Variants in NOL10 observed in about 807,000 individuals in gnomAD.
The protein encoded by NOL10 is H_NH0074G24.1.
In NOL10, 58 loss-of-function variants were observed where a neutral mutation model predicts 103.5. The observed-to-expected ratio is 0.56, with a 90% CI of 0.45 to 0.70. The LOEUF is 0.70. Ranked by LOEUF, NOL10 falls within the 30% of genes least tolerant of loss-of-function variation. NOL10 has a pLI of 0.00. For missense variants in NOL10, 763 were observed against 807.3 expected (o/e 0.95, Z 0.67); for synonymous variants, 287 against 282.5 (o/e 1.02, Z -0.16).
intron 12 of NOL10, among the ~76,000 whole-genome samples, chr2:10,649,817 G>A (rs1482762801): frequency 2.6e-5 from 4 of 152,066 alleles, no homozygotes; most frequent in East Asian, 1.9e-4. Flanking sequence ...ATGTATAAAC[G>A]AACAAGGGTG....
chr2:10,577,611 A>C, intron 20 of NOL10, 25 bp downstream of exon 20: 1 of 1,543,716 alleles, frequency 6.5e-7, no homozygotes, highest in Non-Finnish European at 8.9e-7. Flanking sequence ...TGTGAATTAA[A>C]AAATAACAAT....
intron 1 of NOL10, among the ~76,000 whole-genome samples, chr2:10,686,159 T>C (rs1327890023): frequency 6.6e-6 from 1 of 152,116 alleles, no homozygotes; most frequent in African/African-American, 2.4e-5. Flanking sequence ...ACAATTAGAA[T>C]GTCAGATGGT....
At chr2:10,591,576 G>T (rs956964130) in intron 17 of NOL10, among the ~76,000 whole-genome samples, 1 of 151,990 alleles carries the variant, frequency 6.6e-6, no homozygotes, top group Admixed American at 6.6e-5. Context: ...AAGATATAAG[G>T]GGAAACCACT....
Position 10,657,741 on chromosome 2 carries a change from C to A in NOL10, c.906+1G>T. 1 of 1,548,470 alleles carries A rather than the reference C, an allele frequency of 6.5e-7. No individual in the cohort carries two copies. Among genetic ancestry groups the A allele is most frequent in the Non-Finnish European group, 8.7e-7 (1 of 1,145,718 alleles). On this transcript the variant is annotated splice_donor_variant, in intron 11 of 20. Coordinates refer to ENST00000381685, the MANE Select transcript of NOL10 (RefSeq NM_024894.4). LOFTEE classifies it high-confidence loss of function. ...AAGTAATTTCAACCAAAAATACATA[C>A]GGAGTTCTTATTCCACATCTTGACA...
At chr2:10,573,170 C>T (rs1038468770) in intron 20 of NOL10, among the ~76,000 whole-genome samples, 2 of 151,918 alleles carry the variant, frequency 1.3e-5, no homozygotes, top group African/African-American at 2.4e-5. Flanking sequence ...TTATGGACAC[C>T]CAGGGAACCT....
chr2:10,588,234 A>G (rs148713783), intron 19 of NOL10, among the ~76,000 whole-genome samples: 1 of 152,344 alleles, frequency 6.6e-6, no homozygotes, highest in East Asian at 1.9e-4. Flanking sequence ...GTAAATATTT[A>G]TAACATAAAA....
At chr2:10,588,988 G>C in intron 19 of NOL10, 55 bp downstream of exon 19, 1 of 1,594,064 alleles carries the variant, frequency 6.3e-7, no homozygotes, top group Non-Finnish European at 8.5e-7. Flanking sequence ...GTGCCAGAGA[G>C]GAAAAGCAAG....
At position 10,587,230 on chromosome 2, in the gene NOL10, T is replaced by TATATATATACATACATATATATATACAC. The variant is rs1558270826; in HGVS notation, c.1844+1812_1844+1813insGTGTATATATATATGTATGTATATATAT. On this transcript the variant is annotated intron_variant, in intron 19 of 20. Coordinates refer to ENST00000381685, the MANE Select transcript of NOL10 (RefSeq NM_024894.4). Reference sequence around the variant, plus strand: ...ACATATATATATACATATATATACATATATATATACATACATATATATATA... The same window carrying TATATATATACATACATATATATATACAC: ...ACATATATATATACATATATATACATATATATATACATACATATATATATACACATATATATACATACATATATATATA... 7.4e-3 allele frequency among the ~76,000 whole-genome samples: 276 copies of TATATATATACATACATATATATATACAC among 37,414 alleles called. 72 individuals carry two copies. Among genetic ancestry groups the TATATATATACATACATATATATATACAC allele is most frequent in the Non-Finnish European group, 0.01 (224 of 21,968 alleles). 24.5% of individuals were successfully genotyped at this position (37,414 alleles called of 152,430 possible). A position where few individuals can be genotyped will look rare whatever the true frequency, so the allele number is the denominator to read the frequency against.
At position 10,589,664 on chromosome 2, in the gene NOL10, T is replaced by C; in HGVS notation, c.1510A>G (p.Arg504Gly). ...FQVDEESEEF[R>G]LLNPLVSKIS... ...TTTGAAACAAGTGGATTCAGAAGCC[T>C]AAATTCTTCACTCTCTTCATCTACT... The change falls in exon 18 of 21, where the codon AGG becomes GGG. Residue 504 changes from arginine to glycine, a missense_variant. Physicochemically the swap from Arg to Gly is moderately radical, Grantham distance 125. Coordinates refer to ENST00000381685, the MANE Select transcript of NOL10 (RefSeq NM_024894.4). 4 of 1,592,068 alleles carry C rather than the reference T, an allele frequency of 2.5e-6. No individual in the cohort carries two copies. The highest frequency in any genetic ancestry group is 3.4e-6 in the Non-Finnish European group (4 of 1,170,104).
chr2:10,658,632 T>C (rs1231364075), intron 10 of NOL10, among the ~76,000 whole-genome samples: 2 of 152,238 alleles, frequency 1.3e-5, no homozygotes, highest in Non-Finnish European at 2.9e-5. Flanking sequence ...ACATATTTCT[T>C]GTCTGCAAGA....
intron 5 of NOL10, among the ~76,000 whole-genome samples, chr2:10,672,540 T>G (rs1010122092): frequency 6.6e-6 from 1 of 152,136 alleles, no homozygotes; most frequent in Non-Finnish European, 1.5e-5. Context: ...GACAAAAGGA[T>G]AAGCTGTACC....
chr2:10,661,234 C>G (rs572149394), intron 9 of NOL10, among the ~76,000 whole-genome samples: 2 of 152,218 alleles, frequency 1.3e-5, no homozygotes, highest in East Asian at 3.9e-4. Flanking sequence ...CGCCACCACG[C>G]CCAGCTAATT....
At chr2:10,599,935 A>C (rs143591827) in intron 17 of NOL10, among the ~76,000 whole-genome samples, 324 of 152,224 alleles carry the variant, frequency 2.1e-3, no homozygotes, top group Non-Finnish European at 3.3e-3. Flanking sequence ...AACAGAAATG[A>C]AGACAAAAGG....
intron 12 of NOL10, among the ~76,000 whole-genome samples, chr2:10,654,129 A>G (rs1679668074): frequency 6.6e-6 from 1 of 152,112 alleles, no homozygotes; most frequent in African/African-American, 2.4e-5. Flanking sequence ...TCTACCCTCA[A>G]TTTCCACACA....
chr2:10,601,983 G>C (rs542859630), intron 16 of NOL10, among the ~76,000 whole-genome samples: 1 of 152,378 alleles, frequency 6.6e-6, no homozygotes, highest in South Asian at 2.1e-4. Flanking sequence ...GGCGGCTGCA[G>C]ACAGACTGCA....
intron 13 of NOL10, among the ~76,000 whole-genome samples, chr2:10,618,241 T>G (rs1360777696): frequency 1.0e-5 from 1 of 95,620 alleles, no homozygotes; most frequent in Non-Finnish European, 2.0e-5. Flanking sequence ...AAAAGCTGTT[T>G]TTTTAAAAAA....
At chr2:10,681,194 C>A (rs58838965) in intron 3 of NOL10, among the ~76,000 whole-genome samples, 3,928 of 151,992 alleles carry the variant, frequency 0.026, 193 homozygotes, top group African/African-American at 0.089. Flanking sequence ...CAGCCAAAAA[C>A]CTGAATGAAA....
At chr2:10,639,190 AG>A (rs1357657246) in intron 13 of NOL10, among the ~76,000 whole-genome samples, 2 of 151,796 alleles carry the variant, frequency 1.3e-5, no homozygotes, top group Non-Finnish European at 2.9e-5. Flanking sequence ...TGGGAGGCCG[AG>A]GCAGGCGGAT....
chr2:10,643,193 G>A (rs1678832352), intron 13 of NOL10, among the ~76,000 whole-genome samples: 1 of 152,184 alleles, frequency 6.6e-6, no homozygotes, highest in Non-Finnish European at 1.5e-5. Flanking sequence ...ATCTCTAAGT[G>A]CTTTCAACAA....
Sources: gnomAD v4.1 joint callset for allele counts (sites outside exome capture counted in the v4.1 genomes callset) on GRCh38, gnomAD v4.1.1 for gene constraint, MANE v1.5 for transcripts, NCBI Gene and HGNC (gene_info 2026-07-23, HGNC 2026-07-21) for gene names.